Variants in PCLO observed in about 807,000 individuals in gnomAD.
The protein encoded by PCLO is piccolo presynaptic cytomatrix protein.
PCLO carries 82 observed loss-of-function variants against 427.5 expected under a neutral mutation model. The observed-to-expected ratio is 0.19, with a 90% CI of 0.16 to 0.23. PCLO has a LOEUF of 0.23. Among genes scored for constraint, PCLO ranks in the 10% least tolerant of loss-of-function variants. PCLO has a pLI of 1.00. For missense variants in PCLO, 6,239 were observed against 6,115.9 expected (o/e 1.02, Z -0.67); for synonymous variants, 2,357 against 2,155.4 (o/e 1.09, Z -2.59).
At chr7:82,828,450 T>C (rs895950390) in intron 16 of PCLO, among the ~76,000 whole-genome samples, 3 of 152,190 alleles carry the variant, frequency 2.0e-5, no homozygotes, top group Admixed American at 6.6e-5. Flanking sequence ...TACTGATATC[T>C]AAAGTATATT....
intron 22 of PCLO, among the ~76,000 whole-genome samples, chr7:82,801,310 T>C (rs1276338532): frequency 1.3e-5 from 2 of 151,616 alleles, no homozygotes; most frequent in African/African-American, 4.8e-5. Flanking sequence ...TACCCCAAGT[T>C]ACTTTAATGT....
chr7:83,100,890 C>G (rs1214999666), intron 3 of PCLO, among the ~76,000 whole-genome samples: 1 of 152,070 alleles, frequency 6.6e-6, no homozygotes. Context: ...CAAATCAATA[C>G]ACACAGCGAT....
intron 3 of PCLO, among the ~76,000 whole-genome samples, chr7:83,097,665 T>C (rs955011537): frequency 7.3e-5 from 11 of 151,332 alleles, no homozygotes; most frequent in Non-Finnish European, 5.9e-5. Flanking sequence ...TGGTTCAGCA[T>C]ACAAAAAATT....
chr7:83,042,945 C>T (rs1168082094), intron 3 of PCLO, among the ~76,000 whole-genome samples: 2 of 152,160 alleles, frequency 1.3e-5, no homozygotes, highest in African/African-American at 4.8e-5. Flanking sequence ...CCAGAAACAA[C>T]TGCCTCTCAA....
chr7:82,830,000 C>A (rs540545077), intron 16 of PCLO, among the ~76,000 whole-genome samples: 1 of 151,704 alleles, frequency 6.6e-6, no homozygotes, highest in African/African-American at 2.4e-5. Flanking sequence ...AACATAAAAT[C>A]ATGTGAAATA....
At chr7:83,148,016 G>A (rs1017959188) in intron 2 of PCLO, among the ~76,000 whole-genome samples, 2 of 151,940 alleles carry the variant, frequency 1.3e-5, no homozygotes, top group Non-Finnish European at 2.9e-5. Flanking sequence ...TCTGTTTTTA[G>A]GAATAGAAAT....
chr7:82,778,766 T>C (rs530227299), intron 22 of PCLO, among the ~76,000 whole-genome samples: 54 of 152,196 alleles, frequency 3.5e-4, no homozygotes, highest in Non-Finnish European at 7.2e-4. Context: ...ATTTTTTTTA[T>C]AAATAAAGTT....
chr7:82,872,786 G>T (rs1411290836), intron 10 of PCLO, among the ~76,000 whole-genome samples: 4 of 152,094 alleles, frequency 2.6e-5, no homozygotes, highest in Non-Finnish European at 4.4e-5. Flanking sequence ...TACAGTAACA[G>T]AATTCTACCC....
At chr7:82,959,476 T>C (rs1795607619) in intron 4 of PCLO, among the ~76,000 whole-genome samples, 1 of 152,198 alleles carries the variant, frequency 6.6e-6, no homozygotes, top group South Asian at 2.1e-4. Flanking sequence ...CAGAGGACCA[T>C]TTAAAAAGTT....
At chr7:83,106,300 G>C (rs1481230991) in intron 3 of PCLO, among the ~76,000 whole-genome samples, 1 of 152,140 alleles carries the variant, frequency 6.6e-6, no homozygotes, top group African/African-American at 2.4e-5. Context: ...AGCTGTGTCT[G>C]CCGCTAAAGT....
chr7:83,057,721 A>C (rs1030995176), intron 3 of PCLO, among the ~76,000 whole-genome samples: 4 of 151,990 alleles, frequency 2.6e-5, no homozygotes, highest in Non-Finnish European at 5.9e-5. Flanking sequence ...ACCGATCTAT[A>C]TACTTTACTT....
At chr7:83,038,191 TC>T (rs1788879846) in intron 3 of PCLO, among the ~76,000 whole-genome samples, 1 of 134,016 alleles carries the variant, frequency 7.5e-6, no homozygotes, top group African/African-American at 2.6e-5. Context: ...ATAACACATA[TC>T]CATACACACA....
Position 82,955,325 on chromosome 7 carries a change from T to A in PCLO, c.5628A>T (p.Lys1876Asn). The stretch of plus-strand genomic sequence containing the variant: ...TATAAACTTTTTGTACTTCTATTAT[T>A]TTTTCCGGGCTTATTTCAAAACCTT... ...DPEGFEISPEKIIEVQKVYKL... is the reference protein window; with the variant it reads ...DPEGFEISPENIIEVQKVYKL... The change falls in exon 5 of 25, where the codon AAA becomes AAT. Residue 1876 changes from lysine to asparagine, a missense_variant. By Grantham distance (94) the Lys-to-Asn change is moderately conservative (BLOSUM62 0). This residue lies in a region of PCLO where 4,677 missense variants were observed against 4,468.4 expected (regional missense o/e 1.05). Coordinates refer to ENST00000333891, the MANE Select transcript of PCLO (RefSeq NM_033026.6). The A allele has an allele frequency of 6.2e-7, 1 of 1,613,620 alleles. No homozygotes were observed.
chr7:82,929,349 G>A (rs1161740292), intron 6 of PCLO, among the ~76,000 whole-genome samples: 1 of 152,170 alleles, frequency 6.6e-6, no homozygotes, highest in East Asian at 1.9e-4. Context: ...GAAATATAGA[G>A]GCAGTATATA....
chr7:82,951,068 T>G lies in PCLO; in HGVS notation c.9520A>C (p.Thr3174Pro). Residue 3174 changes from threonine (T) to proline (P), a missense_variant, in exon 6 of 25, where the codon ACT becomes CCT. Around this residue, in one of 5 missense-constraint regions of PCLO, gnomAD observed 4,677 missense variants for 4,468.4 expected, o/e 1.05. Coordinates refer to ENST00000333891, the MANE Select transcript of PCLO (RefSeq NM_033026.6). ...SLQTITMESL[T>P]AETIDSVPTL... ...GGAACAGAGTCTATCGTCTCAGCAG[T>G]AAGAGACTCCATAGTAATAGTTTGC... is the stretch of plus-strand genomic sequence containing the variant. 6.2e-7 allele frequency: 1 copy of G among 1,613,892 alleles called. No homozygotes were observed. The highest frequency in any genetic ancestry group is 8.5e-7 in the Non-Finnish European group (1 of 1,179,816).
intron 3 of PCLO, among the ~76,000 whole-genome samples, chr7:82,994,132 T>A (rs1046122175): frequency 2.0e-5 from 3 of 151,988 alleles, no homozygotes; most frequent in Non-Finnish European, 2.9e-5. Context: ...TTAGACTCAA[T>A]ACAAGATATA....
intron 3 of PCLO, among the ~76,000 whole-genome samples, chr7:83,102,355 A>G (rs1037446292): frequency 6.6e-6 from 1 of 151,880 alleles, no homozygotes; most frequent in African/African-American, 2.4e-5. Context: ...CCACCTAACA[A>G]CCCAATGCAG....
chr7:82,876,420 T>C (rs1207629123), intron 10 of PCLO, among the ~76,000 whole-genome samples: 1 of 149,094 alleles, frequency 6.7e-6, no homozygotes, highest in African/African-American at 2.5e-5. Context: ...ATATAGTGTA[T>C]AAATTAAACA....
Position 83,030,215 on chromosome 7 carries a change from G to A in PCLO, c.3301-63728C>T, listed in dbSNP as rs1312390897. ...GACATTTAAAACTCTAATAAAATTTGATAAGTCCAACAGTTGGGATCTACA... is the reference window on the plus strand; with the variant it reads ...GACATTTAAAACTCTAATAAAATTTAATAAGTCCAACAGTTGGGATCTACA... On this transcript the variant is annotated intron_variant, in intron 3 of 24. Coordinates refer to ENST00000333891, the MANE Select transcript of PCLO (RefSeq NM_033026.6). 3.2e-5 allele frequency among the ~76,000 whole-genome samples: 4 copies of A among 126,694 alleles called. No individual in the cohort carries two copies. The South Asian group carries it at 1.0e-3, about 32-fold the overall frequency. The allele number at this position is 126,694 out of a possible 152,430, so 83.1% of individuals were successfully genotyped here.
Sources: gnomAD v4.1 joint callset for allele counts (sites outside exome capture counted in the v4.1 genomes callset) on GRCh38, gnomAD v4.1.1 for gene constraint, gnomAD v4.1.1 regional missense constraint, MANE v1.5 for transcripts, NCBI Gene and HGNC (gene_info 2026-07-23, HGNC 2026-07-21) for gene names.